MYH8: variants seen among roughly 807,000 people sequenced by gnomAD.
MYH8 encodes myosin heavy chain 8.
A neutral mutation model predicts 233.2 loss-of-function variants in MYH8; 168 were observed. That is an observed-to-expected ratio of 0.72 (90% CI 0.64 to 0.82). MYH8 has a LOEUF of 0.82. Among genes scored for constraint, MYH8 ranks in the 40% least tolerant of loss-of-function variants. MYH8 has a pLI of 0.00. For missense variants in MYH8, 1,995 were observed against 2,327.8 expected (o/e 0.86, Z 2.94); for synonymous variants, 785 against 850.6 (o/e 0.92, Z 1.34).
rs1196305734 is a variant in MYH8, at chr17:10,418,853, G to A, written c.354+34C>T. ...TGGATCTCGTTTTTACTCAGAGAGAGACATGAAATAAAAAGGTGTTTACAG... is the reference window on the plus strand; with the variant it reads ...TGGATCTCGTTTTTACTCAGAGAGAAACATGAAATAAAAAGGTGTTTACAG... On this transcript the variant is annotated intron_variant, in intron 4 of 39. Transcript: ENST00000403437. The A allele has an allele frequency of 3.7e-6, 6 of 1,613,832 alleles. No homozygotes were observed. In the East Asian group the frequency reaches 1.1e-4, roughly 30 times the overall value.
chr17:10,412,615 G>A lies in MYH8; in HGVS notation c.1261C>T (p.Gln421Ter). Residue 421 changes from glutamine (Q) to a stop codon, truncating the protein, a stop_gained, in exon 13 of 40, where the codon CAG (glutamine) becomes TAG (stop). Coordinates refer to ENST00000403437, the MANE Select transcript of MYH8 (RefSeq NM_002472.3). LOFTEE classifies it high-confidence loss of function. ...CATTGAGGTCATGCACTTACCTGCT[G>A]CACAGTCTGGCCTTTGGTGACATAC... ...NEYVTKGQTV[Q>*]QVYNAVGALA... is the part of the protein sequence containing the mutation. The A allele has an allele frequency of 6.2e-7, 1 of 1,614,228 alleles. No homozygotes were observed. The highest frequency in any genetic ancestry group is 8.5e-7 in the Non-Finnish European group (1 of 1,180,030).
At position 10,398,600 on chromosome 17, in the gene MYH8, T is replaced by A; in HGVS notation, c.4022A>T (p.His1341Leu). 1 of 1,614,184 alleles carries A rather than the reference T, an allele frequency of 6.2e-7. No individual in the cohort carries two copies. Among genetic ancestry groups the A allele is most frequent in the Non-Finnish European group, 8.5e-7 (1 of 1,180,018 alleles). Residue 1341 changes from histidine (H) to leucine (L), a missense_variant, in exon 30 of 40, where the codon CAT becomes CTT. Physicochemically the swap from His to Leu is moderately conservative, Grantham distance 99. Transcript: ENST00000403437. ...ALAHALQSSR[H>L]DCDLLREQYE... ...CTGTTCCCGCAGCAGGTCGCAGTCA[T>A]GGCGGGAGGACTGCAGGGCGTGTGC... is the stretch of plus-strand genomic sequence containing the variant.
chr17:10,419,107 G>C lies in MYH8; in HGVS notation c.211-77C>G. ...AGTTTTGCTTTTTTTGCCCAGGCTGGAGTGCAGTGGCGCGATCTCAGCTCA... is the reference window on the plus strand; with the variant it reads ...AGTTTTGCTTTTTTTGCCCAGGCTGCAGTGCAGTGGCGCGATCTCAGCTCA... On this transcript the variant is annotated intron_variant, in intron 3 of 39. Transcript: ENST00000403437. This position sits in a 1 kb window ranked among gnomAD's most constrained non-coding sequence, Gnocchi z 4.0. 1 of 1,549,098 alleles carries C rather than the reference G, an allele frequency of 6.5e-7. No homozygotes were observed. The highest frequency in any genetic ancestry group is 1.1e-5 in the South Asian group (1 of 88,404).
rs1055999208 is a variant in MYH8, at chr17:10,401,852, G to A, written c.2689-67C>T. The A allele has an allele frequency of 4.5e-5, 72 of 1,593,600 alleles. No individual in the cohort carries two copies. In the Admixed American group the frequency reaches 4.7e-4, roughly 10 times the overall value. The stretch of plus-strand genomic sequence containing the variant: ...TTTTGAAACTTGGTGTTTTTTTTGC[G>A]CAAAAATAATAGTGTTTTATTGAAT... On this transcript the variant is annotated intron_variant, in intron 22 of 39. Transcript: ENST00000403437.
At position 10,412,604 on chromosome 17, in the gene MYH8, A is replaced by G; in HGVS notation, c.1266+6T>C. On this transcript the variant is annotated splice_donor_region_variant and intron_variant, in intron 13 of 39. Coordinates refer to ENST00000403437, the MANE Select transcript of MYH8 (RefSeq NM_002472.3). ...TGTGTGTGATTCATTGAGGTCATGC[A>G]CTTACCTGCTGCACAGTCTGGCCTT... 6.2e-7 allele frequency: 1 copy of G among 1,614,198 alleles called. No homozygotes were observed.
At position 10,418,739 on chromosome 17, in the gene MYH8, G is replaced by A. The variant is rs531526832; in HGVS notation, c.417C>T (p.Pro139=). Residue 139 remains proline (P), a synonymous_variant, in exon 5 of 40, where the codon CCC becomes CCT. Transcript: ENST00000403437. ...TGCCTCTGTAGGCAGCCACCACCTC[G>A]GGCTTGTACACCGGCAGCCACTTGT... The part of the protein sequence containing the change: ...NPYKWLPVYK[P]EVVAAYRGKK... 1.5e-5 allele frequency: 24 copies of A among 1,613,898 alleles called. No individual in the cohort carries two copies. The African/African-American group carries it at 2.1e-4, about 14-fold the overall frequency.
intron 2 of MYH8, among the ~76,000 whole-genome samples, chr17:10,420,565 A>T (rs1176043671): frequency 1.3e-5 from 2 of 152,250 alleles, no homozygotes; most frequent in African/African-American, 4.8e-5. Flanking sequence ...TTTTATAGCA[A>T]CTGTCATTAT....
At position 10,410,993 on chromosome 17, in the gene MYH8, T is replaced by C. The variant is rs200294203; in HGVS notation, c.1417-46A>G. The C allele has an allele frequency of 2.0e-5, 33 of 1,613,290 alleles. 1 individual carries two copies. The Middle Eastern group carries it at 5.0e-4, about 24-fold the overall frequency. On this transcript the variant is annotated intron_variant, in intron 14 of 39. Coordinates refer to ENST00000403437, the MANE Select transcript of MYH8 (RefSeq NM_002472.3). ...TTCCAACATCAAATGAGTTTTATAG[T>C]AGTAAAATTCATTACTGAAAAAATT...
rs772489265 is a variant in MYH8, at chr17:10,412,361, A to G, written c.1416+9T>C. The G allele has an allele frequency of 6.8e-6, 11 of 1,614,002 alleles. No homozygotes were observed. The highest frequency in any genetic ancestry group is 4.2e-6 in the Non-Finnish European group (5 of 1,179,976). The stretch of plus-strand genomic sequence containing the variant: ...TGCCTCCTTCTTAATTCTTGTTAAT[A>G]TAACTCACATCAAAGATTTCAAAGC... On this transcript the variant is annotated intron_variant, in intron 14 of 39. Coordinates refer to ENST00000403437, the MANE Select transcript of MYH8 (RefSeq NM_002472.3).
At chr17:10,402,043 G>C (rs112057327) in intron 22 of MYH8, among the ~76,000 whole-genome samples, 56 of 152,146 alleles carry the variant, frequency 3.7e-4, no homozygotes, top group African/African-American at 1.3e-3. Context: ...ATTTGTAGAA[G>C]AGTGGAAAGA....
Position 10,418,750 on chromosome 17 carries a change from C to A in MYH8, c.406G>T (p.Val136Leu). ...VTVNPYKWLP[V>L]YKPEVVAAYR... ...GCAGCCACCACCTCGGGCTTGTACA[C>A]CGGCAGCCACTTGTAGGGGTTGACG... The change falls in exon 5 of 40, where the codon GTG becomes TTG. Residue 136 changes from valine (V) to leucine (L), a missense_variant. Physicochemically the swap from Val to Leu is conservative, Grantham distance 32 (BLOSUM62 1). Coordinates refer to ENST00000403437, the MANE Select transcript of MYH8 (RefSeq NM_002472.3). 1 of 1,613,916 alleles carries A rather than the reference C, an allele frequency of 6.2e-7. No homozygotes were observed. The highest frequency in any genetic ancestry group is 1.3e-5 in the African/African-American group (1 of 75,026).
Position 10,392,650 on chromosome 17 carries a change from C to A in MYH8, c.5464-4G>T. 6.2e-7 allele frequency: 1 copy of A among 1,614,098 alleles called. No individual in the cohort carries two copies. Among genetic ancestry groups the A allele is most frequent in the Non-Finnish European group, 8.5e-7 (1 of 1,179,982 alleles). ...CCTCTCCTTCAAGCTCACGTACCTG[C>A]AGCCAAGAAAAATACTTACGCAGTC... is the stretch of plus-strand genomic sequence containing the variant. On this transcript the variant is annotated splice_polypyrimidine_tract_variant and splice_region_variant and intron_variant, in intron 37 of 39. Coordinates refer to ENST00000403437, the MANE Select transcript of MYH8 (RefSeq NM_002472.3).
intron 22 of MYH8, among the ~76,000 whole-genome samples, chr17:10,403,036 C>T (rs2072157613): frequency 6.6e-6 from 1 of 152,070 alleles, no homozygotes; most frequent in African/African-American, 2.4e-5. Context: ...TTCCCATTCC[C>T]TTCTAAATCT....
Position 10,404,327 on chromosome 17 carries a change from C to T in MYH8, c.2688+3G>A, listed in dbSNP as rs768685052. On this transcript the variant is annotated splice_donor_region_variant and intron_variant, in intron 22 of 39. Coordinates refer to ENST00000403437, the MANE Select transcript of MYH8 (RefSeq NM_002472.3). ...TGGTGCATTCAGAATATGGAGTACT[C>T]ACAGATTGAACCTGGAGTTGCAGGT... 1 of 1,613,860 alleles carries T rather than the reference C, an allele frequency of 6.2e-7. No homozygotes were observed. Among genetic ancestry groups the T allele is most frequent in the Non-Finnish European group, 8.5e-7 (1 of 1,179,850 alleles).
chr17:10,392,828 C>T lies in MYH8; in HGVS notation c.5463+3G>A, dbSNP rs2072040207. Reference sequence around the variant, plus strand: ...CCAGATTTAGAGAGATTGAGACACCCACCCTGGCCTCCAGTTTCTGGATCT... The same window carrying T: ...CCAGATTTAGAGAGATTGAGACACCTACCCTGGCCTCCAGTTTCTGGATCT... On this transcript the variant is annotated splice_donor_region_variant and intron_variant, in intron 37 of 39. Transcript: ENST00000403437. 3.1e-6 allele frequency: 5 copies of T among 1,614,162 alleles called. No individual in the cohort carries two copies. The East Asian group carries it at 1.1e-4, about 36-fold the overall frequency.
chr17:10,410,640 AAGTAATTTCTAAAT>A, intron 15 of MYH8, 123 bp downstream of exon 15: 1 of 1,364,354 alleles, frequency 7.3e-7, no homozygotes, highest in Non-Finnish European at 1.0e-6. Flanking sequence ...TAAAAAGAGG[AAGTAATTTCTAAAT>A]AGTAATTTTC....
intron 12 of MYH8, 83 bp from the exon 13 acceptor site, chr17:10,412,811 C>G: frequency 8.1e-7 from 1 of 1,240,588 alleles, no homozygotes; most frequent in Non-Finnish European, 1.2e-6. Flanking sequence ...CCAATTCAAT[C>G]TATTATTTAA....
chr17:10,404,836 C>A lies in MYH8; in HGVS notation c.2433-251G>T, dbSNP rs573644482. Among the ~76,000 whole-genome samples the A allele has an allele frequency of 7.2e-5, 11 of 152,114 alleles. No homozygotes were observed. In the South Asian group the frequency reaches 2.3e-3, roughly 32 times the overall value. Reference sequence around the variant, plus strand: ...TAATATGAGTACGGTTCATATTGAGCACATCTTCTGTGTTCTCAATCCCTA... The same window carrying A: ...TAATATGAGTACGGTTCATATTGAGAACATCTTCTGTGTTCTCAATCCCTA... On this transcript the variant is annotated intron_variant, in intron 21 of 39. Coordinates refer to ENST00000403437, the MANE Select transcript of MYH8 (RefSeq NM_002472.3).
At chr17:10,395,549 G>T in intron 33 of MYH8, 108 bp from the exon 34 acceptor site, 1 of 1,082,958 alleles carries the variant, frequency 9.2e-7, no homozygotes, top group Non-Finnish European at 1.4e-6. Flanking sequence ...ATTTTACAAA[G>T]TATAATACAG....
Sources: allele counts gnomAD v4.1 joint callset (sites outside exome capture counted in the v4.1 genomes callset), GRCh38; gene constraint gnomAD v4.1.1; non-coding constraint Gnocchi (gnomAD v3.1); transcripts MANE v1.5; gene names NCBI Gene and HGNC (gene_info 2026-07-23, HGNC 2026-07-21).